The following THEMIS variants were observed in gnomAD, a reference collection of about 807,000 sequenced individuals.
THEMIS encodes protein THEMIS.
A neutral mutation model predicts 52.6 loss-of-function variants in THEMIS; 37 were observed. That is an observed-to-expected ratio of 0.70 (90% CI 0.54 to 0.93). The LOEUF (loss-of-function observed/expected upper bound fraction) is 0.93. THEMIS is among the 40% of genes least tolerant of loss of function. THEMIS has a pLI of 0.00. For synonymous variants in THEMIS, 292 were observed against 272.7 expected (o/e 1.07, Z -0.70); for missense variants, 808 against 763.1 (o/e 1.06, Z -0.69).
At chr6:127,836,231 A>G (rs1778870338) in intron 2 of THEMIS, among the ~76,000 whole-genome samples, 1 of 152,134 alleles carries the variant, frequency 6.6e-6, no homozygotes, top group Non-Finnish European at 1.5e-5. Flanking sequence ...GTTGTTCAGT[A>G]TTGATGTTGC....
At chr6:127,880,571 T>TAAAAAAAAAAAAAAAAAAAAA (rs33909885) in intron 1 of THEMIS, among the ~76,000 whole-genome samples, 1 of 133,006 alleles carries the variant, frequency 7.5e-6, no homozygotes, top group African/African-American at 2.8e-5. Context: ...AAAGACAAAT[T>TAAAAAAAAAAAAAAAAAAAAA]AAAAAAAAAA....
At chr6:127,705,302 G>A (rs1251071874), downstream of THEMIS, among the ~76,000 whole-genome samples, 2 of 152,204 alleles carry the variant, frequency 1.3e-5, no homozygotes, top group East Asian at 3.9e-4. Context: ...ATATCAACTA[G>A]TCTCTGTCCT....
intron 4 of THEMIS, among the ~76,000 whole-genome samples, chr6:127,787,907 A>AGATAGAT (rs1777028595): frequency 1.3e-5 from 2 of 150,314 alleles, no homozygotes; most frequent in African/African-American, 2.4e-5. Flanking sequence ...ATAGATAGAT[A>AGATAGAT]GATAGATAGA....
At chr6:127,737,991 G>C (rs569994655) in intron 4 of THEMIS, among the ~76,000 whole-genome samples, 3 of 152,256 alleles carry the variant, frequency 2.0e-5, no homozygotes, top group African/African-American at 7.2e-5. Flanking sequence ...TGGTGACTCA[G>C]GGAGATACAT....
At chr6:127,837,043 T>C (rs866079357) in intron 2 of THEMIS, among the ~76,000 whole-genome samples, 2 of 152,214 alleles carry the variant, frequency 1.3e-5, no homozygotes, top group Non-Finnish European at 1.5e-5. Flanking sequence ...CTTTAGACAC[T>C]GAAGATAAAC....
chr6:127,854,357 T>G (rs1265383367), intron 2 of THEMIS, among the ~76,000 whole-genome samples: 1 of 151,826 alleles, frequency 6.6e-6, no homozygotes, highest in Non-Finnish European at 1.5e-5. Flanking sequence ...AGATTTACTA[T>G]TTGGCTCTTT....
intron 3 of THEMIS, among the ~76,000 whole-genome samples, chr6:127,823,962 A>G (rs963879988): frequency 3.9e-5 from 6 of 152,182 alleles, no homozygotes; most frequent in African/African-American, 1.4e-4. Flanking sequence ...AGGAGTGCCT[A>G]TGTGCCTGAG....
intron 1 of THEMIS, among the ~76,000 whole-genome samples, chr6:127,914,616 C>T (rs1189588454): frequency 6.6e-6 from 1 of 152,112 alleles, no homozygotes; most frequent in Non-Finnish European, 1.5e-5. Flanking sequence ...TGTGTCTAGA[C>T]ATATCTAAAC....
At chr6:127,820,825 T>C (rs1469913039) in intron 3 of THEMIS, among the ~76,000 whole-genome samples, 1 of 152,072 alleles carries the variant, frequency 6.6e-6, no homozygotes, top group African/African-American at 2.4e-5. Context: ...TTTTTTTATA[T>C]GTTTTAAGTT....
intron 1 of THEMIS, among the ~76,000 whole-genome samples, chr6:127,885,619 G>T (rs528271095): frequency 6.6e-6 from 1 of 152,086 alleles, no homozygotes; most frequent in South Asian, 2.1e-4. Context: ...CAATACTAGG[G>T]AATAATTTCC....
At position 127,882,190 on chromosome 6, in the gene THEMIS, C is replaced by T. The variant is rs575941493; in HGVS notation, c.91+18652G>A. Among the ~76,000 whole-genome samples the T allele has an allele frequency of 1.3e-4, 19 of 151,734 alleles. No homozygotes were observed. In the East Asian group the frequency reaches 2.9e-3, roughly 23 times the overall value. ...TCAGTAGAAACCATACTTCAAGTAC[C>T]CAATACAGCCATTCTGTTTTTCATT... On this transcript the variant is annotated intron_variant, in intron 1 of 5. Coordinates refer to ENST00000368248, the MANE Select transcript of THEMIS (RefSeq NM_001010923.3).
chr6:127,743,354 G>A (rs1031889593), intron 4 of THEMIS, among the ~76,000 whole-genome samples: 2 of 152,116 alleles, frequency 1.3e-5, no homozygotes, highest in Admixed American at 1.3e-4. Flanking sequence ...GCAAAGCCAA[G>A]TTAAATGAAA....
intron 4 of THEMIS, among the ~76,000 whole-genome samples, chr6:127,730,502 A>G (rs1583208450): frequency 6.6e-6 from 1 of 151,358 alleles, no homozygotes; most frequent in East Asian, 1.9e-4. Flanking sequence ...GAAAGAAATG[A>G]AAAAGAAGGA....
chr6:127,841,739 A>T (rs1017086306), intron 2 of THEMIS, among the ~76,000 whole-genome samples: 1 of 151,912 alleles, frequency 6.6e-6, no homozygotes, highest in Non-Finnish European at 1.5e-5. Flanking sequence ...ATAGACCAAG[A>T]AATAGATCTT....
At chr6:127,887,586 G>A (rs1780684367) in intron 1 of THEMIS, among the ~76,000 whole-genome samples, 1 of 152,086 alleles carries the variant, frequency 6.6e-6, no homozygotes, top group African/African-American at 2.4e-5. Context: ...CATACTAAGT[G>A]AGAGAAGCCA....
Position 127,782,111 on chromosome 6 carries a change from G to A in THEMIS, c.1758+30772C>T, listed in dbSNP as rs181368707. Reference sequence around the variant, plus strand: ...TTGTTTACATTGTTAGGGGAAAACCGCCTACTCAAGCCTTGGTAATGGTGG... The same window carrying A: ...TTGTTTACATTGTTAGGGGAAAACCACCTACTCAAGCCTTGGTAATGGTGG... On this transcript the variant is annotated intron_variant, in intron 4 of 5. Coordinates refer to ENST00000368248, the MANE Select transcript of THEMIS (RefSeq NM_001010923.3). Among the ~76,000 whole-genome samples, 103 of 152,242 alleles carry A rather than the reference G, an allele frequency of 6.8e-4. No homozygotes were observed. The East Asian group carries it at 7.2e-3, about 11-fold the overall frequency.
intron 2 of THEMIS, among the ~76,000 whole-genome samples, chr6:127,833,061 G>T (rs1398252820): frequency 6.6e-6 from 1 of 151,726 alleles, no homozygotes; most frequent in Non-Finnish European, 1.5e-5. Context: ...TGGGATTACA[G>T]GTGTGAGCCA....
chr6:127,706,367 A>C (rs1197561794), downstream of THEMIS, among the ~76,000 whole-genome samples: 1 of 152,162 alleles, frequency 6.6e-6, no homozygotes, highest in Non-Finnish European at 1.5e-5. Context: ...TATATGTAGG[A>C]ATTTGAAGCA....
intron 4 of THEMIS, among the ~76,000 whole-genome samples, chr6:127,729,277 C>G (rs975233557): frequency 3.9e-4 from 59 of 151,488 alleles, no homozygotes; most frequent in African/African-American, 1.3e-3. Context: ...CTACTTGTTT[C>G]TGACATACAT....
Sources: allele counts gnomAD v4.1 joint callset (sites outside exome capture counted in the v4.1 genomes callset), GRCh38; gene constraint gnomAD v4.1.1; transcripts MANE v1.5; gene names NCBI Gene and HGNC (gene_info 2026-07-23, HGNC 2026-07-21).